Variants in UBXN4 observed in about 807,000 individuals in gnomAD.
The protein encoded by UBXN4 is UBX domain protein 4, also known as UBX domain-containing protein 4.
A neutral mutation model predicts 66.2 loss-of-function variants in UBXN4; 35 were observed. The observed-to-expected ratio is 0.53, with a 90% CI of 0.40 to 0.70. The LOEUF (loss-of-function observed/expected upper bound fraction) is 0.70. Among genes scored for constraint, UBXN4 ranks in the 30% least tolerant of loss-of-function variants. The pLI, the probability that UBXN4 is intolerant of heterozygous loss-of-function variation, is 0.00. For synonymous variants in UBXN4, 203 were observed against 204.5 expected (o/e 0.99, Z 0.06); for missense variants, 533 against 599.8 (o/e 0.89, Z 1.16).
chr2:135,770,005 C>T (rs966120761), intron 7 of UBXN4, among the ~76,000 whole-genome samples, 182 bp downstream of exon 7: 7 of 151,924 alleles, frequency 4.6e-5, no homozygotes, highest in East Asian at 1.9e-4. Context: ...GTGTTCTTTT[C>T]GTAAATTACT....
In UBXN4 at chr2:135,783,588, C is replaced by A. The variant is rs1416119992; in HGVS notation, c.*701C>A. The stretch of plus-strand genomic sequence containing the variant: ...CTGAAGAAAGAAATTTTCTGACACA[C>A]TGATGGCATGTGACTTGTCTCCTAA... On this transcript the variant is annotated 3_prime_UTR_variant, in exon 13 of 13. Transcript: ENST00000272638. 1 of 152,140 alleles carries A rather than the reference C, an allele frequency of 6.6e-6. No individual in the cohort carries two copies. The highest frequency in any genetic ancestry group is 1.5e-5 in the Non-Finnish European group (1 of 68,030). The allele number at this position is 152,140 out of a possible 1,614,324, so 9.4% of individuals were successfully genotyped here. A position where few individuals can be genotyped will look rare whatever the true frequency, so the allele number is the denominator to read the frequency against.
At position 135,755,563 on chromosome 2, in the gene UBXN4, C is replaced by G. The variant is rs370333742; in HGVS notation, c.380C>G (p.Ser127Ter). Residue 127 changes from serine to a stop codon, truncating the protein, a stop_gained, in exon 5 of 13, where the codon TCA (serine) becomes TGA (stop). Coordinates refer to ENST00000272638, the MANE Select transcript of UBXN4 (RefSeq NM_014607.4). LOFTEE classifies it high-confidence loss of function. ...SETSVANGSQ[S>*]ESSVSTPSAS... ...ACATCAGTAGCAAATGGCAGTCAGT[C>G]AGAAAGTTCAGTGTCTACTCCATCT... 1 of 1,602,156 alleles carries G rather than the reference C, an allele frequency of 6.2e-7. No homozygotes were observed. Among genetic ancestry groups the G allele is most frequent in the Non-Finnish European group, 8.5e-7 (1 of 1,173,974 alleles).
chr2:135,778,636 G>A (rs2077432158), intron 10 of UBXN4, among the ~76,000 whole-genome samples: 1 of 152,168 alleles, frequency 6.6e-6, no homozygotes, highest in Admixed American at 6.5e-5. Flanking sequence ...AAAACCTAAT[G>A]ATGAACTGCA....
intron 1 of UBXN4, chr2:135,742,382 G>A: frequency 5.2e-6 from 1 of 191,880 alleles, no homozygotes; most frequent in Non-Finnish European, 1.1e-5. Flanking sequence ...TCTGGCCCTG[G>A]TCTCCAAAGC....
chr2:135,756,200 T>G (rs1391205985), intron 5 of UBXN4, among the ~76,000 whole-genome samples: 11 of 152,186 alleles, frequency 7.2e-5, no homozygotes, highest in Non-Finnish European at 2.9e-5. Context: ...GAGAAATTTT[T>G]GGGATTGTGG....
chr2:135,753,499 TTGC>T (rs1221685765), intron 2 of UBXN4, 37 bp from the exon 3 acceptor site: 6 of 1,503,370 alleles, frequency 4.0e-6, no homozygotes, highest in Admixed American at 5.5e-5. Flanking sequence ...TAGAAAATAC[TTGC>T]ATTCATCTAG....
At position 135,754,255 on chromosome 2, in the gene UBXN4, C is replaced by T. The variant is rs763240559; in HGVS notation, c.311C>T (p.Thr104Ile). 5 of 1,613,338 alleles carry T rather than the reference C, an allele frequency of 3.1e-6. No individual in the cohort carries two copies. In the Admixed American group the frequency reaches 5.0e-5, roughly 16 times the overall value. The change falls in exon 4 of 13, where the codon ACA becomes ATA. Residue 104 changes from threonine (T) to isoleucine (I), a missense_variant. Thr to Ile is a moderately conservative substitution (Grantham distance 89, BLOSUM62 -1). Around this residue, in one of 2 missense-constraint regions of UBXN4, gnomAD observed 529 missense variants for 580.1 expected, o/e 0.91. Transcript: ENST00000272638. ...AGTGTTTCTGCAGATGAACTTGTTA[C>T]AAGAATTCACAAGGTCCGACAGGTA... is the stretch of plus-strand genomic sequence containing the variant. ...AGSVSADELV[T>I]RIHKVRQMHL...
intron 2 of UBXN4, among the ~76,000 whole-genome samples, chr2:135,751,738 G>A (rs2077242986): frequency 6.6e-6 from 1 of 151,712 alleles, no homozygotes; most frequent in South Asian, 2.1e-4. Context: ...AATTATTTCT[G>A]AAATGGTAGG....
chr2:135,748,892 C>T (rs1481627572), intron 2 of UBXN4, among the ~76,000 whole-genome samples: 3 of 151,138 alleles, frequency 2.0e-5, no homozygotes, highest in African/African-American at 7.3e-5. Flanking sequence ...AAAAATTAGC[C>T]GGGTGTGGTG....
intron 5 of UBXN4, among the ~76,000 whole-genome samples, chr2:135,757,704 T>G (rs2077286587): frequency 6.6e-6 from 1 of 152,196 alleles, no homozygotes; most frequent in African/African-American, 2.4e-5. Context: ...ACAATTAACT[T>G]GGCTAGACTA....
intron 9 of UBXN4, among the ~76,000 whole-genome samples, chr2:135,774,242 G>A (rs550029615): frequency 2.0e-5 from 3 of 152,214 alleles, no homozygotes; most frequent in African/African-American, 7.2e-5. Context: ...AGGGTACCAA[G>A]ACTATTCAGT....
intron 10 of UBXN4, among the ~76,000 whole-genome samples, chr2:135,778,002 C>T (rs1379234293): frequency 1.3e-5 from 2 of 151,226 alleles, no homozygotes; most frequent in African/African-American, 2.4e-5. Flanking sequence ...ACGGTGAAAC[C>T]CCGTCTCTAC....
chr2:135,770,770 T>C, intron 8 of UBXN4, 35 bp downstream of exon 8: 1 of 1,447,198 alleles, frequency 6.9e-7, no homozygotes, highest in Non-Finnish European at 9.1e-7. Context: ...CGTGAAACTG[T>C]TTTTCTGTGC....
rs747831727 is a variant in UBXN4, at chr2:135,748,369, GGTTT to G, written c.185+5_185+8del. The G allele has an allele frequency of 2.3e-5, 37 of 1,576,384 alleles. No individual in the cohort carries two copies. The highest frequency in any genetic ancestry group is 6.1e-5 in the South Asian group (5 of 82,336). On this transcript the variant is annotated splice_donor_variant and splice_donor_region_variant and intron_variant, in intron 2 of 12. Transcript: ENST00000272638. LOFTEE classifies it high-confidence loss of function. Reference sequence around the variant, plus strand: ...GTTGCTATTAAAATCGATACCAAAAGGTTTGTTTATGTTTTAATATTTTATTAAT... The same window carrying G: ...GTTGCTATTAAAATCGATACCAAAAGGTTTATGTTTTAATATTTTATTAAT...
rs748501018 is a variant in UBXN4 at position 135,776,275 on chromosome 2, T to A, written c.977T>A (p.Leu326His). 1.2e-6 allele frequency: 2 copies of A among 1,614,126 alleles called. No homozygotes were observed. Among genetic ancestry groups the A allele is most frequent in the Non-Finnish European group, 1.7e-6 (2 of 1,179,996 alleles). Reference protein sequence around the residue: ...RSTVARIQFRLPDGSSFTNQF... With the variant: ...RSTVARIQFRHPDGSSFTNQF... Reference sequence around the variant, plus strand: ...ACTGTTGCAAGAATTCAATTCCGTCTTCCTGATGGTTCTTCCTTTACAAAT... The same window carrying A: ...ACTGTTGCAAGAATTCAATTCCGTCATCCTGATGGTTCTTCCTTTACAAAT... Residue 326 changes from leucine (L) to histidine (H), a missense_variant, in exon 10 of 13, where the codon CTT (leucine) becomes CAT (histidine). Physicochemically the swap from Leu to His is moderately conservative, Grantham distance 99 (BLOSUM62 -3). Around this residue, in one of 2 missense-constraint regions of UBXN4, gnomAD observed 529 missense variants for 580.1 expected, o/e 0.91. Transcript: ENST00000272638.
chr2:135,780,536 A>G, intron 12 of UBXN4, 151 bp downstream of exon 12: 1 of 757,812 alleles, frequency 1.3e-6, no homozygotes, highest in Non-Finnish European at 2.1e-6. Flanking sequence ...AAACTTTATT[A>G]CATCATCTCT....
intron 1 of UBXN4, 86 bp downstream of exon 1, chr2:135,742,097 C>A (rs1246435376): frequency 6.8e-7 from 1 of 1,468,154 alleles, no homozygotes. Flanking sequence ...GCCGGCCCGC[C>A]CTCCCCGAGA....
At chr2:135,782,648 TA>T in intron 12 of UBXN4, 100 bp from the exon 13 acceptor site, 1 of 1,420,566 alleles carries the variant, frequency 7.0e-7, no homozygotes. Flanking sequence ...GCATTAAAAG[TA>T]AAACTTAGTT....
At chr2:135,765,486 C>G (rs1280964744) in intron 6 of UBXN4, among the ~76,000 whole-genome samples, 1 of 152,090 alleles carries the variant, frequency 6.6e-6, no homozygotes, top group Admixed American at 6.5e-5. Context: ...GCTGGAATTA[C>G]GGGCATGAGC....
Sources: gnomAD v4.1 joint callset for allele counts (sites outside exome capture counted in the v4.1 genomes callset) on GRCh38, gnomAD v4.1.1 for gene constraint, gnomAD v4.1.1 regional missense constraint, MANE v1.5 for transcripts, NCBI Gene and HGNC (gene_info 2026-07-23, HGNC 2026-07-21) for gene names.